Variants in FOXN3 observed in about 807,000 individuals in gnomAD.
FOXN3 encodes the protein forkhead box N3, also known as forkhead box protein N3.
Under a neutral mutation model 38.4 loss-of-function variants are expected in FOXN3, and 7 were observed. The ratio of observed to expected loss-of-function variants is 0.18; its 90% confidence interval spans 0.10 to 0.34. The LOEUF is 0.34. Ranked by LOEUF, FOXN3 falls within the 10% of genes least tolerant of loss-of-function variation. The pLI is 1.00. For synonymous variants in FOXN3, 230 were observed against 242.2 expected (o/e 0.95, Z 0.47); for missense variants, 456 against 613.4 (o/e 0.74, Z 2.71).
rs578052265 is a variant in FOXN3, at chr14:89,533,389, C to T, written c.-15+85639G>A. 6.0e-4 allele frequency among the ~76,000 whole-genome samples: 92 copies of T among 152,282 alleles called. 1 individual carries two copies. The highest frequency in any genetic ancestry group is 1.2e-3 in the Non-Finnish European group (82 of 68,028). ...GTCAGATATGCAGATTCTGGCTGGG[C>T]GCGGTGGCTCACGCCTGTAATCCTA... On this transcript the variant is annotated intron_variant, in intron 1 of 6. Transcript: ENST00000345097.
At chr14:89,514,446 C>T (rs1446298445) in intron 1 of FOXN3, among the ~76,000 whole-genome samples, 1 of 152,202 alleles carries the variant, frequency 6.6e-6, no homozygotes, top group South Asian at 2.1e-4. Flanking sequence ...ACAACAGCAA[C>T]GTTACCTCGA....
intron 1 of FOXN3, among the ~76,000 whole-genome samples, chr14:89,461,210 G>A (rs1048289491): frequency 4.0e-5 from 6 of 151,748 alleles, no homozygotes; most frequent in African/African-American, 1.5e-4. Flanking sequence ...AGTGGTGCAT[G>A]CCTGTAGTCC....
chr14:89,573,849 T>C lies in FOXN3; in HGVS notation c.-15+45179A>G, dbSNP rs1895544136. Among the ~76,000 whole-genome samples the C allele has an allele frequency of 3.3e-5, 5 of 151,842 alleles. No homozygotes were observed. The South Asian group carries it at 8.3e-4, about 25-fold the overall frequency. On this transcript the variant is annotated intron_variant, in intron 1 of 6. Coordinates refer to the FOXN3 transcript ENST00000345097. Reference sequence around the variant, plus strand: ...AAGTTCGAGACCAGCCTGAGCAACATGGGGAGACCCTGTCTCTATTTTAAT... The same window carrying C: ...AAGTTCGAGACCAGCCTGAGCAACACGGGGAGACCCTGTCTCTATTTTAAT...
chr14:89,256,466 T>C (rs1265936125), intron 4 of FOXN3, among the ~76,000 whole-genome samples: 1 of 152,194 alleles, frequency 6.6e-6, no homozygotes. Flanking sequence ...GGTGGACGTC[T>C]ATTTTGGTCA....
intron 1 of FOXN3, among the ~76,000 whole-genome samples, chr14:89,553,238 CAA>C (rs146581490): frequency 0.4 from 31,720 of 79,860 alleles, 6,377 homozygotes; most frequent in Non-Finnish European, 0.54. Context: ...GACCCTGTCC[CAA>C]AAAAAAAAAA....
At chr14:89,501,532 G>A (rs1347149334) in intron 1 of FOXN3, among the ~76,000 whole-genome samples, 1 of 152,162 alleles carries the variant, frequency 6.6e-6, no homozygotes, top group Non-Finnish European at 1.5e-5. Context: ...CGAGGAGAAA[G>A]GATATGAAGG....
At chr14:89,351,487 C>A (rs541450832) in intron 2 of FOXN3, among the ~76,000 whole-genome samples, 1 of 152,304 alleles carries the variant, frequency 6.6e-6, no homozygotes. Flanking sequence ...AGAAGTCAAA[C>A]TTTAAAATGC....
intron 3 of FOXN3, among the ~76,000 whole-genome samples, chr14:89,336,945 A>G (rs1888479101): frequency 6.6e-6 from 1 of 152,198 alleles, no homozygotes; most frequent in African/African-American, 2.4e-5. Flanking sequence ...TGAGGGTAAG[A>G]AAGGGTGGTG....
intron 5 of FOXN3, among the ~76,000 whole-genome samples, chr14:89,169,143 C>G (rs1887319854): frequency 6.6e-6 from 1 of 152,050 alleles, no homozygotes; most frequent in South Asian, 2.1e-4. Flanking sequence ...CAGAAATGAT[C>G]AGTACAGAAA....
rs144122386 is a variant in FOXN3 at position 89,437,295 on chromosome 14, G to A, written c.-14-24805C>T. Among the ~76,000 whole-genome samples the A allele has an allele frequency of 7.9e-5, 12 of 152,226 alleles. No individual in the cohort carries two copies. In the South Asian group the frequency reaches 1.0e-3, roughly 13 times the overall value. On this transcript the variant is annotated intron_variant, in intron 1 of 6. Coordinates refer to the FOXN3 transcript ENST00000345097. The stretch of plus-strand genomic sequence containing the variant: ...GGAGATTAACTGTAGGGAATCCATG[G>A]TTAATGAAGGAGAACAACTCTGTCT...
chr14:89,190,518 G>T (rs1396922266), intron 4 of FOXN3: 1 of 1,317,144 alleles, frequency 7.6e-7, no homozygotes, highest in Non-Finnish European at 1.1e-6. Flanking sequence ...TTTTCCCCCT[G>T]CAAGTTACAG....
rs193192772 is a variant in FOXN3, at chr14:89,428,102, T to C, written c.-14-15612A>G. On this transcript the variant is annotated intron_variant, in intron 1 of 6. Coordinates refer to the FOXN3 transcript ENST00000345097. ...TTCAGAGGGGTGTGAAAGAAAACAA[T>C]TGATTCTTCTCTCTACGAGAGTCTT... 5.3e-5 allele frequency among the ~76,000 whole-genome samples: 8 copies of C among 152,314 alleles called. No individual in the cohort carries two copies. In the East Asian group the frequency reaches 1.2e-3, roughly 22 times the overall value.
intron 1 of FOXN3, among the ~76,000 whole-genome samples, chr14:89,442,483 G>A (rs1042530387): frequency 3.9e-5 from 6 of 152,168 alleles, no homozygotes; most frequent in African/African-American, 2.4e-5. Context: ...TGCACCCAGC[G>A]CTGCCACTGG....
chr14:89,242,103 T>C (rs1358929671), intron 4 of FOXN3, among the ~76,000 whole-genome samples: 3 of 152,174 alleles, frequency 2.0e-5, no homozygotes, highest in African/African-American at 7.2e-5. Flanking sequence ...ATATTTGGCT[T>C]GAATGCCACA....
At chr14:89,255,428 T>C (rs544240660) in intron 4 of FOXN3, among the ~76,000 whole-genome samples, 9 of 152,170 alleles carry the variant, frequency 5.9e-5, no homozygotes, top group Non-Finnish European at 1.5e-5. Context: ...TCAACAAGCA[T>C]TGGTTCTCTC....
At chr14:89,409,635 G>A (rs956394056) in intron 2 of FOXN3, among the ~76,000 whole-genome samples, 6 of 152,182 alleles carry the variant, frequency 3.9e-5, no homozygotes, top group Admixed American at 3.3e-4. Flanking sequence ...CTGCTGTGAG[G>A]CTTTGGGGGA....
chr14:89,584,581 G>A (rs1322092374), intron 1 of FOXN3, among the ~76,000 whole-genome samples: 3 of 152,062 alleles, frequency 2.0e-5, no homozygotes, highest in African/African-American at 7.2e-5. Context: ...ACTAGGTGGT[G>A]CAGTATCAAA....
intron 1 of FOXN3, among the ~76,000 whole-genome samples, chr14:89,477,508 G>A (rs544814812): frequency 8.5e-5 from 13 of 152,334 alleles, no homozygotes; most frequent in African/African-American, 3.1e-4. Flanking sequence ...AACTAAAAGG[G>A]CATTCCCACT....
chr14:89,604,980 C>T (rs1405682873), intron 1 of FOXN3, among the ~76,000 whole-genome samples: 1 of 150,744 alleles, frequency 6.6e-6, no homozygotes, highest in Non-Finnish European at 1.5e-5. Flanking sequence ...GGGAAATGGA[C>T]ATTTTTCCAG....
Sources: allele counts gnomAD v4.1 joint callset (sites outside exome capture counted in the v4.1 genomes callset), GRCh38; gene constraint gnomAD v4.1.1; transcripts MANE v1.5; gene names NCBI Gene and HGNC (gene_info 2026-07-23, HGNC 2026-07-21).